CACNB2: variants seen among roughly 807,000 people sequenced by gnomAD.
The protein encoded by CACNB2 is calcium voltage-gated channel auxiliary subunit beta 2, also known as voltage-dependent L-type calcium channel subunit beta-2.
A neutral mutation model predicts 73.3 loss-of-function variants in CACNB2; 42 were observed. The observed-to-expected ratio is 0.57, with a 90% CI of 0.45 to 0.74. CACNB2 has a LOEUF of 0.74. Ranked by LOEUF, CACNB2 falls within the 30% of genes least tolerant of loss-of-function variation. CACNB2 has a pLI of 0.00. For synonymous variants in CACNB2, 348 were observed against 310.3 expected, an observed-to-expected ratio of 1.12 and a Z score of -1.28; for missense variants, 940 against 853.0, an observed-to-expected ratio of 1.10 and a Z score of -1.27.
At chr10:18,406,380 G>A (rs991724743) in intron 3 of CACNB2, among the ~76,000 whole-genome samples, 1 of 152,158 alleles carries the variant, frequency 6.6e-6, no homozygotes, top group Non-Finnish European at 1.5e-5. Flanking sequence ...AGCAGGAGGT[G>A]AACAGCAGCA....
At chr10:18,300,609 A>T (rs985542832) in intron 2 of CACNB2, among the ~76,000 whole-genome samples, 2 of 152,184 alleles carry the variant, frequency 1.3e-5, no homozygotes, top group Admixed American at 6.5e-5. Flanking sequence ...ACCTTTAAAA[A>T]ATGCAATCTG....
intron 3 of CACNB2, among the ~76,000 whole-genome samples, chr10:18,465,742 C>G (rs11014359): frequency 0.14 from 21,530 of 150,626 alleles, 2,277 homozygotes; most frequent in East Asian, 0.52. Context: ...AGTGCAGTGG[C>G]ATGATTGCAG....
At chr10:18,394,688 C>T (rs961028983) in intron 2 of CACNB2, among the ~76,000 whole-genome samples, 2 of 152,042 alleles carry the variant, frequency 1.3e-5, no homozygotes, top group Non-Finnish European at 2.9e-5. Flanking sequence ...TGAAGATAAT[C>T]GAAATTACAT....
At chr10:18,220,242 G>GAC (rs1564354079) in intron 2 of CACNB2, among the ~76,000 whole-genome samples, 1,438 of 89,124 alleles carry the variant, frequency 0.016, 72 homozygotes, top group East Asian at 0.078. Flanking sequence ...TAGAGAGAGA[G>GAC]AGAGAGAGAG....
chr10:18,465,886 TCCCAGG>T (rs1430858475), intron 3 of CACNB2, among the ~76,000 whole-genome samples: 1 of 151,948 alleles, frequency 6.6e-6, no homozygotes, highest in Non-Finnish European at 1.5e-5. Context: ...TCACCATGTT[TCCCAGG>T]CTGCTCTCGA....
In CACNB2 at chr10:18,289,289, TTTGTTTTG is replaced by T. The variant is rs1325408242; in HGVS notation, c.214-112632_214-112625del. Among the ~76,000 whole-genome samples the T allele has an allele frequency of 7.8e-3, 437 of 56,234 alleles. 37 individuals carry two copies. Among genetic ancestry groups the T allele is most frequent in the African/African-American group, 0.037 (350 of 9,426 alleles). The allele number at this position is 56,234 out of a possible 152,430, so 36.9% of individuals were successfully genotyped here. A position where few individuals can be genotyped will look rare whatever the true frequency, so the allele number is the denominator to read the frequency against. ...TGTCTTCATTTTTTTTTCTTGTTTT[TTTGTTTTG>T]TTTTTTTTTTTTTTTGAGATGGGGT... On this transcript the variant is annotated intron_variant, in intron 2 of 13. Transcript: ENST00000324631.
At chr10:18,276,608 T>A (rs2038298149) in intron 2 of CACNB2, among the ~76,000 whole-genome samples, 2 of 151,930 alleles carry the variant, frequency 1.3e-5, no homozygotes, top group South Asian at 4.2e-4. Flanking sequence ...AAGATGGAGT[T>A]TTGCTGTTTG....
chr10:18,408,456 C>G (rs1051479258), intron 3 of CACNB2, among the ~76,000 whole-genome samples: 1 of 152,080 alleles, frequency 6.6e-6, no homozygotes, highest in South Asian at 2.1e-4. Flanking sequence ...CCAGGCTGGT[C>G]TTGAACTCCT....
At chr10:18,394,337 C>T (rs1292491062) in intron 2 of CACNB2, among the ~76,000 whole-genome samples, 2 of 152,132 alleles carry the variant, frequency 1.3e-5, no homozygotes, top group African/African-American at 2.4e-5. Context: ...CTAAGCATTA[C>T]AAAACTATCA....
chr10:18,542,043 G>A lies in CACNB2; in HGVS notation c.*2319G>A, dbSNP rs1356903204. Reference sequence around the variant, plus strand: ...CCCAAGAAAACGCAATATTAAAAATGATTAAGCTGGGGTGGTAGAGTATAC... The same window carrying A: ...CCCAAGAAAACGCAATATTAAAAATAATTAAGCTGGGGTGGTAGAGTATAC... On this transcript the variant is annotated 3_prime_UTR_variant, in exon 14 of 14. Transcript: ENST00000324631. The A allele has an allele frequency of 6.6e-6, 1 of 151,424 alleles. No individual in the cohort carries two copies. The highest frequency in any genetic ancestry group is 2.0e-4 in the East Asian group (1 of 5,122). 9.4% of individuals were successfully genotyped at this position (151,424 alleles called of 1,614,324 possible).
intron 5 of CACNB2, 63 bp downstream of exon 5, chr10:18,501,011 G>T: frequency 1.4e-6 from 2 of 1,452,928 alleles, no homozygotes; most frequent in South Asian, 2.3e-5. Flanking sequence ...GTGTACTGTT[G>T]TCTGCTGTAT....
intron 2 of CACNB2, among the ~76,000 whole-genome samples, chr10:18,338,389 G>A (rs1268196058): frequency 6.6e-6 from 1 of 152,178 alleles, no homozygotes. Flanking sequence ...TAGGATGGCT[G>A]TGATCAAAAG....
At chr10:18,394,301 G>A (rs142304386) in intron 2 of CACNB2, among the ~76,000 whole-genome samples, 74 of 152,222 alleles carry the variant, frequency 4.9e-4, no homozygotes, top group East Asian at 7.7e-4. Context: ...GCAAGCGAGC[G>A]TGCCTAAAGC....
At position 18,277,081 on chromosome 10, in the gene CACNB2, C is replaced by T. The variant is rs543813222; in HGVS notation, c.214-124843C>T. 1.2e-4 allele frequency among the ~76,000 whole-genome samples: 19 copies of T among 152,310 alleles called. No homozygotes were observed. The South Asian group carries it at 3.9e-3, about 32-fold the overall frequency. ...GCAGTGAGCCGTGTTCGTGCCACTG[C>T]ACTCCAGCCTGAGGGATGGAGCGAG... On this transcript the variant is annotated intron_variant, in intron 2 of 13. Coordinates refer to ENST00000324631, the MANE Select transcript of CACNB2 (RefSeq NM_201596.3).
chr10:18,337,760 T>C (rs2132052556), intron 2 of CACNB2, among the ~76,000 whole-genome samples: 1 of 152,314 alleles, frequency 6.6e-6, no homozygotes, highest in Admixed American at 6.5e-5. Flanking sequence ...ACCACCTGCA[T>C]AAAATATATA....
chr10:18,356,945 T>TC (rs1333678709), intron 2 of CACNB2, among the ~76,000 whole-genome samples: 7 of 86,110 alleles, frequency 8.1e-5, no homozygotes, highest in African/African-American at 2.5e-4. Flanking sequence ...TCAATTTCTT[T>TC]TTTTTTTTTT....
At chr10:18,464,925 C>T (rs1261746772) in intron 3 of CACNB2, among the ~76,000 whole-genome samples, 1 of 152,192 alleles carries the variant, frequency 6.6e-6, no homozygotes, top group East Asian at 1.9e-4. Context: ...AAGGGATATT[C>T]AACAGAATGG....
intron 2 of CACNB2, among the ~76,000 whole-genome samples, chr10:18,180,181 A>G (rs1470075245): frequency 6.6e-6 from 1 of 152,150 alleles, no homozygotes; most frequent in Non-Finnish European, 1.5e-5. Context: ...AGGGAGAGGA[A>G]TGATCTTATA....
chr10:18,238,185 T>C (rs926061124), intron 2 of CACNB2, among the ~76,000 whole-genome samples: 2 of 152,222 alleles, frequency 1.3e-5, no homozygotes, highest in Non-Finnish European at 2.9e-5. Context: ...AGACATAACC[T>C]TATGATTGGC....
Sources: allele counts gnomAD v4.1 joint callset (sites outside exome capture counted in the v4.1 genomes callset), GRCh38; gene constraint gnomAD v4.1.1; transcripts MANE v1.5; gene names NCBI Gene and HGNC (gene_info 2026-07-23, HGNC 2026-07-21).